Variants in AFG2A observed in about 807,000 individuals in gnomAD.
AFG2A encodes AAA ATPase AFG2A.
the AFG2A span, among the ~76,000 whole-genome samples, chr4:123,240,505 G>T: frequency 2.0e-5 from 3 of 152,122 alleles, no homozygotes; most frequent in Admixed American, 6.5e-5. Context: ...CATGGAAACT[G>T]AACAGAACAG....
chr4:123,242,637 A>G, the AFG2A span, among the ~76,000 whole-genome samples: 1,297 of 152,338 alleles, frequency 8.5e-3, 24 homozygotes, highest in African/African-American at 0.03. Flanking sequence ...ACCTAAAACC[A>G]TAAAAACCCT....
chr4:123,265,853 A>G, the AFG2A span, among the ~76,000 whole-genome samples: 1 of 152,048 alleles, frequency 6.6e-6, no homozygotes, highest in Non-Finnish European at 1.5e-5. Flanking sequence ...GCATTTTAAC[A>G]TTCCACCTTA....
At chr4:123,263,565 G>T in the AFG2A span, among the ~76,000 whole-genome samples, 3 of 150,318 alleles carry the variant, frequency 2.0e-5, no homozygotes, top group African/African-American at 7.3e-5. Flanking sequence ...GACTATTAAA[G>T]ATGTCTTTTG....
At chr4:123,118,274 T>C in the AFG2A span, among the ~76,000 whole-genome samples, 1 of 136,902 alleles carries the variant, frequency 7.3e-6, no homozygotes, top group Non-Finnish European at 1.5e-5. Context: ...TGCAAATATA[T>C]ATGCAAATAT....
chr4:122,962,285 G>A, the AFG2A span, among the ~76,000 whole-genome samples: 1 of 152,052 alleles, frequency 6.6e-6, no homozygotes. Flanking sequence ...CATTTTACAA[G>A]GGACGTATTA....
chr4:122,957,181 C>T, the AFG2A span, among the ~76,000 whole-genome samples: 1 of 152,102 alleles, frequency 6.6e-6, no homozygotes, highest in Non-Finnish European at 1.5e-5. Context: ...AAGAAAAAGC[C>T]CTAAGCCTCT....
the AFG2A span, among the ~76,000 whole-genome samples, chr4:123,158,348 C>T: frequency 2.6e-5 from 4 of 152,132 alleles, no homozygotes. Flanking sequence ...ATTGAAAGGT[C>T]AATCTCAGGA....
the AFG2A span, among the ~76,000 whole-genome samples, chr4:123,311,655 AAGAG>A: frequency 6.9e-5 from 10 of 145,710 alleles, no homozygotes; most frequent in African/African-American, 1.3e-4. Flanking sequence ...AAAAAAAAAA[AAGAG>A]AGAGAAAATC....
chr4:123,047,686 G>T, the AFG2A span, among the ~76,000 whole-genome samples: 45 of 146,416 alleles, frequency 3.1e-4, no homozygotes, highest in Admixed American at 5.6e-4. Context: ...ATAGATTCAG[G>T]TCTTATGTTT....
At chr4:123,243,420 A>T in the AFG2A span, among the ~76,000 whole-genome samples, 228 of 152,316 alleles carry the variant, frequency 1.5e-3, 1 homozygote, top group Non-Finnish European at 1.9e-3. Flanking sequence ...TGCAGCCATA[A>T]AAAAGGATGA....
the AFG2A span, among the ~76,000 whole-genome samples, chr4:123,041,401 G>A: frequency 5.9e-5 from 9 of 151,276 alleles, no homozygotes; most frequent in Admixed American, 2.0e-4. Flanking sequence ...GATTACAGGC[G>A]TGAGCCACCG....
At chr4:123,074,447 CTT>C in the AFG2A span, among the ~76,000 whole-genome samples, 1 of 37,208 alleles carries the variant, frequency 2.7e-5, no homozygotes, top group African/African-American at 3.9e-5. Context: ...TTCTTTTTTT[CTT>C]TTTTTTTTTG....
At chr4:122,943,345 A>T in the AFG2A span, among the ~76,000 whole-genome samples, 1 of 152,182 alleles carries the variant, frequency 6.6e-6, no homozygotes, top group South Asian at 2.1e-4. Context: ...TATATTTAGG[A>T]TAGTTAGCTC....
chr4:123,224,228 T>C, the AFG2A span, among the ~76,000 whole-genome samples: 2 of 152,190 alleles, frequency 1.3e-5, no homozygotes, highest in Admixed American at 1.3e-4. Flanking sequence ...TTTTAAATTA[T>C]ACTTTAAGTT....
the AFG2A span, among the ~76,000 whole-genome samples, chr4:123,245,217 C>T: frequency 6.6e-6 from 1 of 152,166 alleles, no homozygotes; most frequent in South Asian, 2.1e-4. Flanking sequence ...GGAGACGATG[C>T]TGGGAAAAGA....
At chr4:123,270,961 C>T in the AFG2A span, among the ~76,000 whole-genome samples, 1 of 152,132 alleles carries the variant, frequency 6.6e-6, no homozygotes, top group African/African-American at 2.4e-5. Context: ...CATTTTTATC[C>T]CTCAGTCATT....
At chr4:123,292,537 TA>T in the AFG2A span, among the ~76,000 whole-genome samples, 25 of 152,202 alleles carry the variant, frequency 1.6e-4, no homozygotes, top group South Asian at 5.2e-3. Flanking sequence ...TCTACTGGGT[TA>T]AAAAAAATTC....
At chr4:123,312,375 C>T in the AFG2A span, among the ~76,000 whole-genome samples, 1 of 152,200 alleles carries the variant, frequency 6.6e-6, no homozygotes, top group Non-Finnish European at 1.5e-5. Context: ...CTTCAGACTT[C>T]TTAGCCTTGC....
chr4:122,976,977 C>A, the AFG2A span, among the ~76,000 whole-genome samples: 1 of 152,170 alleles, frequency 6.6e-6, no homozygotes, highest in African/African-American at 2.4e-5. Context: ...ATTTTCATTG[C>A]CAAAACTAAG....
Sources: gnomAD v4.1 joint callset for allele counts (sites outside exome capture counted in the v4.1 genomes callset) on GRCh38, gnomAD v4.1.1 for gene constraint, MANE v1.5 for transcripts, NCBI Gene and HGNC (gene_info 2026-07-23, HGNC 2026-07-21) for gene names.